The following TRIM33 variants were observed in gnomAD, a reference collection of about 807,000 sequenced individuals.
The protein encoded by TRIM33 is E3 ubiquitin-protein ligase TRIM33.
Under a neutral mutation model 125.4 loss-of-function variants are expected in TRIM33, and 20 were observed. The observed-to-expected ratio is 0.16, with a 90% confidence interval of 0.11 to 0.23. The LOEUF is 0.23. Among genes scored for constraint, TRIM33 ranks in the 10% least tolerant of loss-of-function variants. TRIM33 has a pLI of 1.00. For missense variants in TRIM33, 920 were observed against 1,411.4 expected (o/e 0.65, Z 5.58); for synonymous variants, 564 against 513.9 (o/e 1.10, Z -1.32).
rs1384465649 is a variant in TRIM33, at chr1:114,396,964, A to G, written c.*684T>C. On this transcript the variant is annotated 3_prime_UTR_variant, in exon 20 of 20. Coordinates refer to ENST00000358465, the MANE Select transcript of TRIM33 (RefSeq NM_015906.4). The stretch of plus-strand genomic sequence containing the variant: ...AATAATCCACTAATGAAAAGTTACC[A>G]TTTTTGTTTCAGTAGACCATTGAAG... 5 of 216,258 alleles carry G rather than the reference A, an allele frequency of 2.3e-5. No homozygotes were observed. In the East Asian group the frequency reaches 3.4e-4, roughly 15 times the overall value. The allele number at this position is 216,258 out of a possible 1,614,324, so 13.4% of individuals were successfully genotyped here. A position where few individuals can be genotyped will look rare whatever the true frequency, so the allele number is the denominator to read the frequency against.
intron 1 of TRIM33, among the ~76,000 whole-genome samples, chr1:114,498,758 G>A (rs12743623): frequency 0.13 from 20,329 of 152,078 alleles, 1,753 homozygotes; most frequent in Non-Finnish European, 0.19. Flanking sequence ...AAAAGACAGC[G>A]GAGAATATGA....
At chr1:114,419,994 C>G (rs757290755) in intron 11 of TRIM33, among the ~76,000 whole-genome samples, 4 of 152,132 alleles carry the variant, frequency 2.6e-5, no homozygotes, top group Non-Finnish European at 5.9e-5. Flanking sequence ...CAGAAAGAAT[C>G]AAGGGTGCTA....
At chr1:114,440,480 C>CA (rs1557866890) in intron 4 of TRIM33, among the ~76,000 whole-genome samples, 1 of 151,998 alleles carries the variant, frequency 6.6e-6, no homozygotes, top group Non-Finnish European at 1.5e-5. Flanking sequence ...GACTCACTAA[C>CA]AGAGGCAAAA....
intron 1 of TRIM33, among the ~76,000 whole-genome samples, chr1:114,502,870 T>A (rs1652793201): frequency 6.6e-6 from 1 of 152,086 alleles, no homozygotes; most frequent in African/African-American, 2.4e-5. Context: ...CAAAAAAAAA[T>A]TAATAAAGAG....
chr1:114,439,450 CAGAG>C (rs1457008559), intron 4 of TRIM33, among the ~76,000 whole-genome samples: 2 of 111,934 alleles, frequency 1.8e-5, no homozygotes, highest in African/African-American at 7.3e-5. Flanking sequence ...GCCTGGGCGA[CAGAG>C]AGAGACTCTG....
chr1:114,494,314 C>T (rs562306490), intron 1 of TRIM33, among the ~76,000 whole-genome samples: 2 of 152,164 alleles, frequency 1.3e-5, no homozygotes, highest in East Asian at 3.9e-4. Flanking sequence ...GATCTGGCAC[C>T]ATTGTCCAGT....
chr1:114,452,561 T>C (rs1312413992), intron 4 of TRIM33, among the ~76,000 whole-genome samples: 1 of 152,002 alleles, frequency 6.6e-6, no homozygotes, highest in Non-Finnish European at 1.5e-5. Context: ...TAAATAATTT[T>C]CTAACAAAAT....
chr1:114,417,659 ATTTAT>A, intron 11 of TRIM33, among the ~76,000 whole-genome samples: 1 of 151,968 alleles, frequency 6.6e-6, no homozygotes, highest in Middle Eastern at 3.4e-3. Flanking sequence ...TTATTTATTT[ATTTAT>A]TTATTTTTCT....
At chr1:114,436,745 G>GAT (rs1648335424) in intron 4 of TRIM33, among the ~76,000 whole-genome samples, 1 of 152,032 alleles carries the variant, frequency 6.6e-6, no homozygotes, top group African/African-American at 2.4e-5. Context: ...GATTACAGGC[G>GAT]TGAGCCACCA....
At chr1:114,415,372 AAT>A (rs915939207) in intron 11 of TRIM33, among the ~76,000 whole-genome samples, 3 of 152,174 alleles carry the variant, frequency 2.0e-5, no homozygotes, top group Admixed American at 1.3e-4. Context: ...TCCGATTTGA[AAT>A]TATCATCTAC....
chr1:114,450,451 C>T (rs1447383227), intron 4 of TRIM33, among the ~76,000 whole-genome samples: 1 of 152,180 alleles, frequency 6.6e-6, no homozygotes, highest in Non-Finnish European at 1.5e-5. Flanking sequence ...CGTGCGTCAG[C>T]CTCCCGAGTA....
intron 2 of TRIM33, among the ~76,000 whole-genome samples, chr1:114,463,767 CTTTTTTTT>C (rs397977770): frequency 7.9e-6 from 1 of 126,048 alleles, no homozygotes; most frequent in East Asian, 2.1e-4. Context: ...GCAGATTTGA[CTTTTTTTT>C]TTTTTTTTTT....
chr1:114,406,139 A>G (rs1163908813), intron 14 of TRIM33, among the ~76,000 whole-genome samples: 2 of 152,178 alleles, frequency 1.3e-5, no homozygotes, highest in African/African-American at 4.8e-5. Flanking sequence ...TCTTCTGCTC[A>G]CCTATCATTC....
Position 114,402,887 on chromosome 1 carries a change from G to C in TRIM33, c.2769-4C>G, listed in dbSNP as rs774731102. On this transcript the variant is annotated splice_region_variant and splice_polypyrimidine_tract_variant and intron_variant, in intron 15 of 19. Coordinates refer to ENST00000358465, the MANE Select transcript of TRIM33 (RefSeq NM_015906.4). The stretch of plus-strand genomic sequence containing the variant: ...AAATGTGCATATCCAGTCCCCACTA[G>C]ACAGGGAAATAGGCAATTAGTCCAC... 6.2e-7 allele frequency: 1 copy of C among 1,610,110 alleles called. No individual in the cohort carries two copies. The highest frequency in any genetic ancestry group is 1.1e-5 in the South Asian group (1 of 90,360).
At chr1:114,411,265 C>G (rs1285584302) in intron 11 of TRIM33, among the ~76,000 whole-genome samples, 1 of 151,990 alleles carries the variant, frequency 6.6e-6, no homozygotes, top group Non-Finnish European at 1.5e-5. Context: ...GATTGGTCTC[C>G]AACTCCTGAG....
At chr1:114,411,939 AT>A (rs1424441242) in intron 11 of TRIM33, among the ~76,000 whole-genome samples, 1 of 152,154 alleles carries the variant, frequency 6.6e-6, no homozygotes, top group Admixed American at 6.5e-5. Flanking sequence ...TATATAAATA[AT>A]TTTCATGATT....
In TRIM33 at chr1:114,510,900, C is replaced by A; in HGVS notation, c.177G>T (p.Ala59=). ...CCACCCCCCCGTCGTCGGGCCCGGCCGCGCCGCCCTCAGCGCCGGCCCTGC... is the reference window on the plus strand; with the variant it reads ...CCACCCCCCCGTCGTCGGGCCCGGCAGCGCCGCCCTCAGCGCCGGCCCTGC... ...EGGRAGAEGG[A]AGPDDGGVAA... is the part of the protein sequence containing the mutation. The change falls in exon 1 of 20, where the codon GCG becomes GCT. Residue 59 remains alanine (A), a synonymous_variant. Transcript: ENST00000358465. 2 of 1,424,782 alleles carry A rather than the reference C, an allele frequency of 1.4e-6. No homozygotes were observed. Among genetic ancestry groups the A allele is most frequent in the Non-Finnish European group, 1.8e-6 (2 of 1,096,978 alleles). The allele number at this position is 1,424,782 out of a possible 1,614,324, so 88.3% of individuals were successfully genotyped here.
At position 114,399,554 on chromosome 1, in the gene TRIM33, T is replaced by G; in HGVS notation, c.3023A>C (p.Lys1008Thr). ...KKPMDLSTVK[K>T]KLQKKHSQHY... is the part of the protein sequence containing the mutation. The stretch of plus-strand genomic sequence containing the variant: ...TTGGGAATGTTTTTTCTGAAGCTTC[T>G]TTTTCACGGTGGATAAATCCATTGG... Residue 1008 changes from lysine (K) to threonine (T), a missense_variant, in exon 18 of 20, where the codon AAG becomes ACG. By Grantham distance (78) the Lys-to-Thr change is moderately conservative. Transcript: ENST00000358465. 6.2e-7 allele frequency: 1 copy of G among 1,611,366 alleles called. No homozygotes were observed. The highest frequency in any genetic ancestry group is 8.5e-7 in the Non-Finnish European group (1 of 1,177,662).
chr1:114,423,125 A>C (rs1395330570), intron 10 of TRIM33, among the ~76,000 whole-genome samples: 1 of 152,210 alleles, frequency 6.6e-6, no homozygotes, highest in Non-Finnish European at 1.5e-5. Context: ...TGTATCTTCT[A>C]ATAGTCTTAA....
Sources: gnomAD v4.1 joint callset for allele counts (sites outside exome capture counted in the v4.1 genomes callset) on GRCh38, gnomAD v4.1.1 for gene constraint, MANE v1.5 for transcripts, NCBI Gene and HGNC (gene_info 2026-07-23, HGNC 2026-07-21) for gene names.